Variants in SERPINB8 observed in about 807,000 individuals in gnomAD.
SERPINB8 encodes serpin B8.
Under a neutral mutation model 35.3 loss-of-function variants are expected in SERPINB8, and 25 were observed. That is an observed-to-expected ratio of 0.71 (90% CI 0.52 to 0.99). The LOEUF is 0.99. Ranked by LOEUF, SERPINB8 falls within the 50% of genes least tolerant of loss-of-function variation. SERPINB8 has a pLI of 0.00. For synonymous variants in SERPINB8, 186 were observed against 160.8 expected (o/e 1.16, Z -1.19); for missense variants, 484 against 446.5 (o/e 1.08, Z -0.76).
At chr18:63,986,469 A>C in intron 6 of SERPINB8, 1 of 1,390,246 alleles carries the variant, frequency 7.2e-7, no homozygotes, top group Non-Finnish European at 9.3e-7. Context: ...TTAGACTCAG[A>C]AGCAGAGTTC....
intron 7 of SERPINB8, among the ~76,000 whole-genome samples, chr18:64,014,958 A>C (rs1193034047): frequency 6.6e-6 from 1 of 152,098 alleles, no homozygotes. Flanking sequence ...TAAAATAATA[A>C]ATTTTACCTT....
In SERPINB8 at chr18:64,019,544, A is replaced by G. The variant is rs115825312; in HGVS notation, c.*637A>G. 412 of 152,326 alleles carry G rather than the reference A, an allele frequency of 2.7e-3. 3 individuals carry two copies. Among genetic ancestry groups the G allele is most frequent in the African/African-American group, 9.7e-3 (402 of 41,566 alleles). 9.4% of individuals were successfully genotyped at this position (152,326 alleles called of 1,614,324 possible). On this transcript the variant is annotated 3_prime_UTR_variant, in exon 8 of 8. Coordinates refer to the SERPINB8 transcript ENST00000636430. ...ACTTTCCAGTAGCTAACCAGTAGCT[A>G]TAGGATAAACCACTCTCTTTCACGT...
At chr18:64,011,502 T>C (rs985515119) in intron 7 of SERPINB8, among the ~76,000 whole-genome samples, 1 of 152,168 alleles carries the variant, frequency 6.6e-6, no homozygotes, top group Admixed American at 6.5e-5. Flanking sequence ...TATTAAGATC[T>C]ATTTTTGTAT....
At chr18:63,974,665 A>C (rs1417773723) in intron 1 of SERPINB8, among the ~76,000 whole-genome samples, 1 of 152,182 alleles carries the variant, frequency 6.6e-6, no homozygotes, top group Non-Finnish European at 1.5e-5. Flanking sequence ...ATTTTGTATT[A>C]AAATTAATTG....
chr18:63,993,989 A>C (rs1239165160), downstream of SERPINB8, among the ~76,000 whole-genome samples: 2 of 152,236 alleles, frequency 1.3e-5, no homozygotes, highest in East Asian at 3.9e-4. Flanking sequence ...AGGAGCCTTG[A>C]AGACACTCTC....
intron 1 of SERPINB8, among the ~76,000 whole-genome samples, chr18:64,001,712 C>T (rs2050876000): frequency 6.6e-6 from 1 of 152,078 alleles, no homozygotes; most frequent in Non-Finnish European, 1.5e-5. Flanking sequence ...GTCTCGAACC[C>T]CTGACCTCAG....
chr18:64,010,120 A>G (rs1198736389), downstream of SERPINB8, among the ~76,000 whole-genome samples: 2 of 152,156 alleles, frequency 1.3e-5, no homozygotes, highest in East Asian at 1.9e-4. Context: ...AAAAATAGAC[A>G]AAGATCTGAA....
chr18:63,971,942 T>A (rs1265934043), intron 1 of SERPINB8, among the ~76,000 whole-genome samples: 1 of 152,074 alleles, frequency 6.6e-6, no homozygotes, highest in African/African-American at 2.4e-5. Context: ...CCTCAGCCTA[T>A]TATTTGCATC....
chr18:63,978,521 T>C, intron 2 of SERPINB8, 45 bp downstream of exon 2: 1 of 1,601,160 alleles, frequency 6.2e-7, no homozygotes. Context: ...GTGTTTCCCT[T>C]GTGCTTCCAT....
Position 63,979,791 on chromosome 18 carries a change from C to A in SERPINB8, c.169-10C>A. The A allele has an allele frequency of 6.2e-7, 1 of 1,613,934 alleles. No individual in the cohort carries two copies. Among genetic ancestry groups the A allele is most frequent in the Non-Finnish European group, 8.5e-7 (1 of 1,179,870 alleles). On this transcript the variant is annotated splice_polypyrimidine_tract_variant and intron_variant, in intron 2 of 6. Coordinates refer to ENST00000397985, the MANE Select transcript of SERPINB8 (RefSeq NM_002640.4). ...CAGCGTTAAAAGTCAGTGTTGGTTT[C>A]TGTTCCCAGGCACTTTGTTTATACA...
At chr18:63,975,788 A>G (rs1010050060) in intron 1 of SERPINB8, among the ~76,000 whole-genome samples, 1 of 152,174 alleles carries the variant, frequency 6.6e-6, no homozygotes, top group South Asian at 2.1e-4. Context: ...GAAATATCTT[A>G]GGAGGAAGCA....
chr18:63,981,841 G>T lies in SERPINB8; in HGVS notation c.424+3G>T, dbSNP rs1446210414. On this transcript the variant is annotated splice_donor_region_variant and intron_variant, in intron 4 of 6. Coordinates refer to ENST00000397985, the MANE Select transcript of SERPINB8 (RefSeq NM_002640.4). ...CTGGGTGGCAGAGAAGACTGAAGGT[G>T]AGACAGTTTCATTTCTGTTGATTTG... 22 of 1,584,342 alleles carry T rather than the reference G, an allele frequency of 1.4e-5. No individual in the cohort carries two copies. The highest frequency in any genetic ancestry group is 1.8e-5 in the Non-Finnish European group (21 of 1,155,316).
intron 1 of SERPINB8, among the ~76,000 whole-genome samples, chr18:63,974,345 C>G (rs1358994678): frequency 1.3e-5 from 2 of 152,096 alleles, no homozygotes; most frequent in African/African-American, 2.4e-5. Context: ...TACATAAATG[C>G]TCTTTGAATA....
intron 7 of SERPINB8, among the ~76,000 whole-genome samples, chr18:64,010,697 T>C (rs1427069031): frequency 6.6e-6 from 1 of 152,056 alleles, no homozygotes; most frequent in African/African-American, 2.4e-5. Flanking sequence ...AGAGCAAAAA[T>C]AGCAGGTGTC....
chr18:64,010,469 T>C (rs914484460), downstream of SERPINB8, among the ~76,000 whole-genome samples: 1 of 152,130 alleles, frequency 6.6e-6, no homozygotes, highest in Admixed American at 6.5e-5. Flanking sequence ...ATAGAAATAA[T>C]AAATAATGAA....
chr18:63,977,252 G>A (rs1335285923), intron 1 of SERPINB8, among the ~76,000 whole-genome samples: 1 of 152,028 alleles, frequency 6.6e-6, no homozygotes, highest in Non-Finnish European at 1.5e-5. Context: ...TCTAAAGTGG[G>A]GCAATAACTA....
Position 64,002,586 on chromosome 18 carries a change from C to T in SERPINB8, c.71-2233C>T, listed in dbSNP as rs2050880625. Among the ~76,000 whole-genome samples, 4 of 152,302 alleles carry T rather than the reference C, an allele frequency of 2.6e-5. No homozygotes were observed. The South Asian group carries it at 8.3e-4, about 32-fold the overall frequency. ...TCCCTTTCAGAATCGTTTTGGAGTC[C>T]TCCTTGCAAGAGCAGGAGGCCAGTG... On this transcript the variant is annotated intron_variant, in intron 1 of 1. Coordinates refer to the SERPINB8 transcript ENST00000493661.
chr18:63,987,516 A>G lies in SERPINB8; in HGVS notation c.*238A>G, dbSNP rs1380428733. ...TTTTGGAGTGTTTGGGGTGCCTGCC[A>G]TTGCCTCTGCCTTCACCTAAGTCTG... On this transcript the variant is annotated 3_prime_UTR_variant, in exon 7 of 7. Transcript: ENST00000397985. 5.9e-6 allele frequency: 3 copies of G among 504,254 alleles called. No homozygotes were observed. Among genetic ancestry groups the G allele is most frequent in the Non-Finnish European group, 7.0e-6 (2 of 285,620 alleles). The allele number at this position is 504,254 out of a possible 1,614,324, so 31.2% of individuals were successfully genotyped here.
intron 7 of SERPINB8, among the ~76,000 whole-genome samples, chr18:64,018,510 GT>G (rs1274101011): frequency 6.6e-6 from 1 of 152,042 alleles, no homozygotes; most frequent in African/African-American, 2.4e-5. Flanking sequence ...ATTAAAGTGG[GT>G]AGAAAAAATA....
Sources: gnomAD v4.1 joint callset for allele counts (sites outside exome capture counted in the v4.1 genomes callset) on GRCh38, gnomAD v4.1.1 for gene constraint, MANE v1.5 for transcripts, NCBI Gene and HGNC (gene_info 2026-07-23, HGNC 2026-07-21) for gene names.